CSMD1: variants seen among roughly 807,000 people sequenced by gnomAD.
CSMD1 encodes the protein CUB and sushi domain-containing protein 1.
Under a neutral mutation model 417.5 loss-of-function variants are expected in CSMD1, and 213 were observed. The ratio of observed to expected loss-of-function variants is 0.51; its 90% CI spans 0.46 to 0.57. The LOEUF (loss-of-function observed/expected upper bound fraction) is 0.57, where lower values mean the gene tolerates loss of function less well. CSMD1 is among the 20% of genes least tolerant of loss of function. The probability of loss-of-function intolerance (pLI) is 0.00; values close to 1 mark genes in which losing one functional copy is unlikely to be tolerated. For synonymous variants in CSMD1, 2,862 were observed against 1,736.8 expected (o/e 1.65, Z -16.11); for missense variants, 6,923 against 4,529.7 (o/e 1.53, Z -15.17).
intron 15 of CSMD1, 84 bp from the exon 16 acceptor site, chr8:3,399,613 G>C (rs1477906329): frequency 4.8e-6 from 5 of 1,042,146 alleles, no homozygotes; most frequent in East Asian, 2.7e-5. Flanking sequence ...GCCAGAATCT[G>C]CTTCTGTGTT....
chr8:4,700,749 C>A (rs1274965965), intron 1 of CSMD1, among the ~76,000 whole-genome samples: 1 of 151,952 alleles, frequency 6.6e-6, no homozygotes, highest in African/African-American at 2.4e-5. Flanking sequence ...TTATTATATG[C>A]AACTTACGCT....
intron 5 of CSMD1, among the ~76,000 whole-genome samples, chr8:3,979,166 T>G (rs756554955): frequency 6.6e-6 from 1 of 152,216 alleles, no homozygotes; most frequent in Non-Finnish European, 1.5e-5. Context: ...TTACAACACC[T>G]GTGAGATCTT....
At chr8:4,961,356 G>C (rs1194024636) in intron 1 of CSMD1, among the ~76,000 whole-genome samples, 1 of 151,772 alleles carries the variant, frequency 6.6e-6, no homozygotes, top group Admixed American at 6.6e-5. Flanking sequence ...CTTTCAACCT[G>C]ACCTGATTGC....
intron 3 of CSMD1, among the ~76,000 whole-genome samples, chr8:4,162,632 G>C (rs991060853): frequency 1.3e-5 from 2 of 152,086 alleles, no homozygotes; most frequent in Non-Finnish European, 2.9e-5. Flanking sequence ...ACATTGAGTA[G>C]AAGGTACACT....
chr8:4,940,048 G>C (rs1454487690), intron 1 of CSMD1, among the ~76,000 whole-genome samples: 2 of 152,306 alleles, frequency 1.3e-5, no homozygotes, highest in Non-Finnish European at 2.9e-5. Flanking sequence ...CGTCAGAGAA[G>C]ACAAGAGCTG....
At chr8:3,576,059 G>A (rs545688302) in intron 9 of CSMD1, among the ~76,000 whole-genome samples, 15 of 152,090 alleles carry the variant, frequency 9.9e-5, no homozygotes, top group South Asian at 4.1e-4. Flanking sequence ...ATTAATCCTC[G>A]TCATAGCCCA....
intron 3 of CSMD1, among the ~76,000 whole-genome samples, chr8:4,105,916 C>T (rs1247508688): frequency 6.6e-6 from 1 of 152,188 alleles, no homozygotes; most frequent in Non-Finnish European, 1.5e-5. Context: ...CAGGCTTCAG[C>T]CCAAGGTTCG....
intron 10 of CSMD1, among the ~76,000 whole-genome samples, chr8:3,506,290 C>T (rs564890865): frequency 1.4e-4 from 21 of 152,260 alleles, no homozygotes; most frequent in Non-Finnish European, 2.4e-4. Flanking sequence ...TACTTAAGTG[C>T]CTCAGATTCC....
intron 15 of CSMD1, among the ~76,000 whole-genome samples, chr8:3,401,327 T>C (rs963103997): frequency 8.5e-5 from 13 of 152,228 alleles, no homozygotes; most frequent in Non-Finnish European, 1.2e-4. Context: ...AGTAATTTTA[T>C]TTTGCATTTT....
At chr8:4,752,054 T>G (rs1811367552) in intron 1 of CSMD1, among the ~76,000 whole-genome samples, 1 of 151,604 alleles carries the variant, frequency 6.6e-6, no homozygotes, top group South Asian at 2.1e-4. Flanking sequence ...TGTGTATATA[T>G]TAATACAAAA....
In CSMD1 at chr8:4,248,787, C is replaced by T. The variant is rs544035579; in HGVS notation, c.415+171166G>A. Among the ~76,000 whole-genome samples, 17 of 152,198 alleles carry T rather than the reference C, an allele frequency of 1.1e-4. No individual in the cohort carries two copies. In the South Asian group the frequency reaches 3.3e-3, roughly 30 times the overall value. On this transcript the variant is annotated intron_variant, in intron 3 of 69. Coordinates refer to ENST00000635120, the MANE Select transcript of CSMD1 (RefSeq NM_033225.6). Reference sequence around the variant, plus strand: ...GCATGGTTTACTGTCAGTTTTCCTCCTCTGAATGGAAAAATCTTTGCCTAA... The same window carrying T: ...GCATGGTTTACTGTCAGTTTTCCTCTTCTGAATGGAAAAATCTTTGCCTAA...
At chr8:4,966,320 A>G (rs754072943) in intron 1 of CSMD1, among the ~76,000 whole-genome samples, 1 of 152,108 alleles carries the variant, frequency 6.6e-6, no homozygotes, top group Non-Finnish European at 1.5e-5. Flanking sequence ...CGAAGGTTGC[A>G]GTGAGCCAAG....
intron 1 of CSMD1, among the ~76,000 whole-genome samples, chr8:4,852,014 C>G (rs975132397): frequency 6.6e-6 from 1 of 152,202 alleles, no homozygotes; most frequent in Admixed American, 6.5e-5. Flanking sequence ...TGATCTGTCA[C>G]TAAGGTCTAA....
intron 3 of CSMD1, among the ~76,000 whole-genome samples, chr8:4,037,624 A>ATTT (rs1797687905): frequency 8.9e-6 from 1 of 112,096 alleles, no homozygotes; most frequent in Non-Finnish European, 1.9e-5. Context: ...GGTCTCTTAT[A>ATTT]TTTATCAGGT....
chr8:3,072,764 A>C (rs780554941), intron 49 of CSMD1, among the ~76,000 whole-genome samples: 1 of 152,192 alleles, frequency 6.6e-6, no homozygotes, highest in Non-Finnish European at 1.5e-5. Flanking sequence ...ATTTCAGTGC[A>C]TAGCATCGTA....
At chr8:3,995,854 G>A (rs1815173147) in intron 5 of CSMD1, among the ~76,000 whole-genome samples, 1 of 152,142 alleles carries the variant, frequency 6.6e-6, no homozygotes, top group South Asian at 2.1e-4. Flanking sequence ...TAGACATGAA[G>A]GCACACAGGA....
intron 1 of CSMD1, among the ~76,000 whole-genome samples, chr8:4,736,602 C>G (rs1406065272): frequency 6.6e-6 from 1 of 152,110 alleles, no homozygotes; most frequent in African/African-American, 2.4e-5. Flanking sequence ...ACATATTGTA[C>G]TGGAGCTAAA....
intron 3 of CSMD1, among the ~76,000 whole-genome samples, chr8:4,253,864 G>C (rs1803254592): frequency 6.7e-6 from 1 of 148,538 alleles, no homozygotes; most frequent in Non-Finnish European, 1.5e-5. Context: ...TTTCCTGCTG[G>C]TCTTATCTAC....
At chr8:4,386,130 A>G (rs933770373) in intron 3 of CSMD1, among the ~76,000 whole-genome samples, 3 of 152,118 alleles carry the variant, frequency 2.0e-5, no homozygotes, top group African/African-American at 7.2e-5. Flanking sequence ...GGAATTTCAA[A>G]CCTTCCGTCC....
Sources: gnomAD v4.1 joint callset for allele counts (sites outside exome capture counted in the v4.1 genomes callset) on GRCh38, gnomAD v4.1.1 for gene constraint, MANE v1.5 for transcripts, NCBI Gene and HGNC (gene_info 2026-07-23, HGNC 2026-07-21) for gene names.